RNF213: variants seen among roughly 807,000 people sequenced by gnomAD.
RNF213 encodes ring finger protein 213.
Under a neutral mutation model 514.4 loss-of-function variants are expected in RNF213, and 341 were observed. The observed-to-expected ratio is 0.66, with a 90% CI of 0.61 to 0.73. The LOEUF (loss-of-function observed/expected upper bound fraction) is 0.73. RNF213 is among the 30% of genes least tolerant of loss of function. RNF213 has a pLI of 0.00. For missense variants in RNF213, 5,767 were observed against 6,615.6 expected (o/e 0.87, Z 4.45); for synonymous variants, 2,655 against 2,658.2 (o/e 1.00, Z 0.04).
In RNF213 at chr17:80,332,562, C is replaced by T; in HGVS notation, c.4074C>T (p.Val1358=). The T allele has an allele frequency of 6.5e-7, 1 of 1,534,572 alleles. No homozygotes were observed. The highest frequency in any genetic ancestry group is 1.2e-5 in the South Asian group (1 of 83,942). ...HLHQAVHAAK[V]ILQVKESLGL... ...ACCAGGCTGTCCACGCAGCCAAGGTCATCTTGCAGGTCAAAGAGAGCCTGG... is the reference window on the plus strand; with the variant it reads ...ACCAGGCTGTCCACGCAGCCAAGGTTATCTTGCAGGTCAAAGAGAGCCTGG... Residue 1358 remains valine, a synonymous_variant, in exon 21 of 68, where the codon GTC becomes GTT. Transcript: ENST00000582970.
intron 14 of RNF213, among the ~76,000 whole-genome samples, chr17:80,310,693 C>G (rs964829602): frequency 6.6e-6 from 1 of 152,156 alleles, no homozygotes; most frequent in Non-Finnish European, 1.5e-5. Context: ...GCTGGGATTA[C>G]AGGCATGTGC....
chr17:80,373,031 G>A lies in RNF213; in HGVS notation c.12808G>A (p.Val4270Met). Residue 4270 changes from valine to methionine, a missense_variant, in exon 49 of 68, where the codon GTG becomes ATG. Transcript: ENST00000582970. Reference protein sequence around the residue: ...LQQVKQFCIRVENDWHRVYLV... With the variant: ...LQQVKQFCIRMENDWHRVYLV... ...GCAAGTCAAGCAGTTCTGTATCCGG[G>A]TGGAGAACGACTGGCACCGGGTGTA... The A allele has an allele frequency of 6.2e-7, 1 of 1,614,076 alleles. No individual in the cohort carries two copies. The highest frequency in any genetic ancestry group is 1.7e-5 in the Admixed American group (1 of 60,010).
intron 15 of RNF213, among the ~76,000 whole-genome samples, chr17:80,313,623 G>GTAA (rs1227592384): frequency 6.7e-6 from 1 of 150,324 alleles, no homozygotes. Flanking sequence ...GGTGATTGTG[G>GTAA]TGGAGGTGAT....
Position 80,340,608 on chromosome 17 carries a change from G to GTTTT in RNF213, c.5989+252_5989+253insTTTT, listed in dbSNP as rs1203042611. 6.8e-4 allele frequency: 153 copies of GTTTT among 224,824 alleles called. 2 individuals carry two copies. The highest frequency in any genetic ancestry group is 9.9e-4 in the Non-Finnish European group (123 of 123,644). The allele number at this position is 224,824 out of a possible 1,614,324, so 13.9% of individuals were successfully genotyped here. ...CAAACATCTCTGCAGTGTACTTTGT[G>GTTTT]GTTTTTTTTTTTTTTTTTTTTTTTT... On this transcript the variant is annotated intron_variant, in intron 26 of 67. Coordinates refer to ENST00000582970, the MANE Select transcript of RNF213 (RefSeq NM_001256071.3).
At chr17:80,384,904 C>A in intron 59 of RNF213, 135 bp from the exon 60 acceptor site, 1 of 923,472 alleles carries the variant, frequency 1.1e-6, no homozygotes, top group South Asian at 1.4e-5. Flanking sequence ...TCAAGCTCCA[C>A]GCTGCATCAC....
In RNF213 at chr17:80,288,684, G is replaced by A; in HGVS notation, c.862G>A (p.Glu288Lys). Residue 288 changes from glutamate (E) to lysine (K), a missense_variant, in exon 5 of 68, where the codon GAA (glutamate) becomes AAA (lysine). Glu to Lys is a moderately conservative substitution (Grantham distance 56, BLOSUM62 1). Transcript: ENST00000582970. The surrounding 1 kb of genome is among the most constrained non-coding windows in gnomAD (Gnocchi z 4.9). The part of the protein sequence containing the change: ...PANAVKGAGK[E>K]MKEKTQRMKQ... ...CAATGCAGTTAAAGGGGCCGGGAAG[G>A]AAATGAAAGAGAAGACCCAGAGAAT... is the stretch of plus-strand genomic sequence containing the variant. 2.5e-6 allele frequency: 4 copies of A among 1,614,226 alleles called. No homozygotes were observed. The highest frequency in any genetic ancestry group is 3.4e-6 in the Non-Finnish European group (4 of 1,180,046).
At position 80,288,818 on chromosome 17, in the gene RNF213, T is replaced by G; in HGVS notation, c.933+63T>G. 1 of 1,612,132 alleles carries G rather than the reference T, an allele frequency of 6.2e-7. No homozygotes were observed. Among genetic ancestry groups the G allele is most frequent in the African/African-American group, 1.3e-5 (1 of 74,970 alleles). On this transcript the variant is annotated intron_variant, in intron 5 of 67. Transcript: ENST00000582970. The surrounding 1 kb of genome is among the most constrained non-coding windows in gnomAD (Gnocchi z 4.9). Reference sequence around the variant, plus strand: ...TCTCCTGCCCACGGCTGCGCCTCTTTCATTTAATTATTCAGCAAATATTTA... The same window carrying G: ...TCTCCTGCCCACGGCTGCGCCTCTTGCATTTAATTATTCAGCAAATATTTA...
Position 80,369,781 on chromosome 17 carries a change from C to T in RNF213, c.12339C>T (p.His4113=), listed in dbSNP as rs769712923. The change falls in exon 46 of 68, where the codon CAC becomes CAT. Residue 4113 remains histidine (H), a synonymous_variant. Transcript: ENST00000582970. ...LRDAAQRHCE[H]TKSLSPFNDV... ...TTCTGGTTTAAGGACACTGTGAACA[C>T]ACAAAATCTCTCTCTCCATTCAATG... The T allele has an allele frequency of 3.2e-5, 51 of 1,613,722 alleles. No homozygotes were observed. The highest frequency in any genetic ancestry group is 1.0e-4 in the Admixed American group (6 of 60,006).
intron 64 of RNF213, chr17:80,388,932 A>AT (rs1403617847): frequency 1.6e-6 from 1 of 621,790 alleles, no homozygotes; most frequent in Non-Finnish European, 2.9e-6. Flanking sequence ...ATGCCTGCTG[A>AT]AGCGGGAAGT....
At chr17:80,298,952 T>G (rs9912419) in intron 11 of RNF213, among the ~76,000 whole-genome samples, 32,773 of 152,036 alleles carry the variant, frequency 0.22, 4,071 homozygotes, top group African/African-American at 0.34. Context: ...GCACTGTAGC[T>G]TGGGCGACAG....
chr17:80,306,308 C>T lies in RNF213; in HGVS notation c.2267C>T (p.Pro756Leu), dbSNP rs2045355599. ...EKQHLLSIDE[P>L]LFRSWFSLLP... Reference sequence around the variant, plus strand: ...CAGCATTTGCTGAGCATAGACGAGCCTCTCTTCCGGTCCTGGTTTAGTCTG... The same window carrying T: ...CAGCATTTGCTGAGCATAGACGAGCTTCTCTTCCGGTCCTGGTTTAGTCTG... The change falls in exon 12 of 68, where the codon CCT becomes CTT. Residue 756 changes from proline (P) to leucine (L), a missense_variant. Pro to Leu is a moderately conservative substitution (Grantham distance 98, BLOSUM62 -3). Transcript: ENST00000582970. 2 of 1,614,022 alleles carry T rather than the reference C, an allele frequency of 1.2e-6. No homozygotes were observed. Among genetic ancestry groups the T allele is most frequent in the Admixed American group, 1.7e-5 (1 of 59,988 alleles).
intron 3 of RNF213, among the ~76,000 whole-genome samples, chr17:80,274,837 G>T (rs1259867376): frequency 1.7e-5 from 1 of 60,168 alleles, no homozygotes; most frequent in Non-Finnish European, 3.4e-5. Context: ...GGGGGTGAGT[G>T]GGGGGTGAGT....
At chr17:80,306,514 G>T (rs764078893) in intron 12 of RNF213, 46 bp downstream of exon 12, 2 of 1,551,072 alleles carry the variant, frequency 1.3e-6, no homozygotes, top group South Asian at 1.1e-5. Flanking sequence ...AGCAAAAGCA[G>T]ACTAGATAAC....
At chr17:80,391,108 A>G (rs2080454486) in intron 67 of RNF213, among the ~76,000 whole-genome samples, 1 of 152,212 alleles carries the variant, frequency 6.6e-6, no homozygotes, top group Non-Finnish European at 1.5e-5. Flanking sequence ...CAATGTATAA[A>G]GAGTGTATGA....
intron 17 of RNF213, among the ~76,000 whole-genome samples, chr17:80,322,158 C>G (rs2046159806): frequency 9.1e-6 from 1 of 109,882 alleles, no homozygotes; most frequent in South Asian, 3.4e-4. Flanking sequence ...CCCCCACCCC[C>G]CCTTTTTTTT....
chr17:80,273,172 A>G (rs1030811156), intron 2 of RNF213, 69 bp from the exon 3 acceptor site: 1 of 1,592,526 alleles, frequency 6.3e-7, no homozygotes, highest in African/African-American at 1.3e-5. Context: ...CGTGGGGAGG[A>G]TTTCTGTTTT....
intron 3 of RNF213, among the ~76,000 whole-genome samples, chr17:80,276,948 T>G (rs2044080980): frequency 6.6e-6 from 1 of 151,714 alleles, no homozygotes; most frequent in Non-Finnish European, 1.5e-5. Flanking sequence ...TCCCAGCTAC[T>G]TGGGCGGCTG....
In RNF213 at chr17:80,295,812, A is replaced by G. The variant is rs759441593; in HGVS notation, c.2011A>G (p.Ser671Gly). The G allele has an allele frequency of 6.2e-7, 1 of 1,614,090 alleles. No individual in the cohort carries two copies. The highest frequency in any genetic ancestry group is 2.2e-5 in the East Asian group (1 of 44,888). Residue 671 changes from serine (S) to glycine (G), a missense_variant and splice_region_variant, in exon 10 of 68, where the codon AGC (serine) becomes GGC (glycine). Ser to Gly is a moderately conservative substitution (Grantham distance 56). Coordinates refer to ENST00000582970, the MANE Select transcript of RNF213 (RefSeq NM_001256071.3). ...AAGCCACATCCTTGGGATACCTCAG[A>G]GGTATTATTATTTTTTGTCAAAATG... ...DLSHILGIPQ[S>G]WRLYLVNLCQ...
At chr17:80,336,767 G>A (rs2077998927) in intron 23 of RNF213, 1 of 349,938 alleles carries the variant, frequency 2.9e-6, no homozygotes, top group African/African-American at 2.1e-5. Flanking sequence ...AGCCAGGCAT[G>A]GTGGTGTGCG....
Sources: gnomAD v4.1 joint callset for allele counts (sites outside exome capture counted in the v4.1 genomes callset) on GRCh38, gnomAD v4.1.1 for gene constraint, Gnocchi (gnomAD v3.1) non-coding constraint, MANE v1.5 for transcripts, NCBI Gene and HGNC (gene_info 2026-07-23, HGNC 2026-07-21) for gene names.